Variants in DCUN1D4 observed in about 807,000 individuals in gnomAD.
DCUN1D4 encodes the protein defective in cullin neddylation 1 domain containing 4.
DCUN1D4 carries 22 observed loss-of-function variants against 47.9 expected under a neutral mutation model. That is an observed-to-expected ratio of 0.46 (90% CI 0.33 to 0.66). DCUN1D4 has a LOEUF of 0.66. Among genes scored for constraint, DCUN1D4 ranks in the 30% least tolerant of loss-of-function variants. The pLI is 0.02. For missense variants in DCUN1D4, 301 were observed against 340.8 expected, an observed-to-expected ratio of 0.88 and a Z score of 0.92; for synonymous variants, 121 against 112.2, an observed-to-expected ratio of 1.08 and a Z score of -0.50.
At position 51,876,944 on chromosome 4, in the gene DCUN1D4, T is replaced by C. The variant is rs180917664; in HGVS notation, c.252-819T>C. On this transcript the variant is annotated intron_variant, in intron 4 of 10. Transcript: ENST00000334635. ...GATATAAAAATGTATATACTTATAA[T>C]TTTTATATCCATATCATCATTTTAA... 4.3e-4 allele frequency among the ~76,000 whole-genome samples: 66 copies of C among 152,322 alleles called. 1 individual carries two copies. The highest frequency in any genetic ancestry group is 3.0e-3 in the Admixed American group (46 of 15,302).
intron 5 of DCUN1D4, among the ~76,000 whole-genome samples, chr4:51,883,650 C>T (rs28385472): frequency 0.02 from 3,103 of 152,248 alleles, 111 homozygotes; most frequent in African/African-American, 0.071. Context: ...CAGAAATGAT[C>T]ATTGCAGATG....
intron 1 of DCUN1D4, among the ~76,000 whole-genome samples, chr4:51,853,649 C>T (rs1487354295): frequency 6.6e-6 from 1 of 152,218 alleles, no homozygotes; most frequent in African/African-American, 2.4e-5. Context: ...TTGAGAAACA[C>T]GTGGTGCCCC....
chr4:51,865,669 G>A (rs1400760111), intron 3 of DCUN1D4: 1 of 152,212 alleles, frequency 6.6e-6, no homozygotes, highest in Non-Finnish European at 1.5e-5. Context: ...ACGTGTTATA[G>A]TGTGTTTTTC....
At chr4:51,874,624 C>T (rs990333431) in intron 4 of DCUN1D4, 11 of 361,492 alleles carry the variant, frequency 3.0e-5, no homozygotes, top group Admixed American at 4.5e-5. Flanking sequence ...ATCCATTGAT[C>T]GCCCAAAACT....
chr4:51,852,167 C>T (rs922140749), intron 1 of DCUN1D4, among the ~76,000 whole-genome samples: 1 of 152,112 alleles, frequency 6.6e-6, no homozygotes, highest in African/African-American at 2.4e-5. Context: ...TCTTCATCCC[C>T]TCTCATTTTT....
chr4:51,887,250 C>A, intron 6 of DCUN1D4: 1 of 351,474 alleles, frequency 2.8e-6, no homozygotes, highest in Admixed American at 4.1e-5. Flanking sequence ...TACAGGTGTG[C>A]GCCACCATGC....
At chr4:51,851,918 A>G (rs1275116798) in intron 1 of DCUN1D4, among the ~76,000 whole-genome samples, 1 of 152,206 alleles carries the variant, frequency 6.6e-6, no homozygotes, top group Non-Finnish European at 1.5e-5. Flanking sequence ...TTCTGACTCC[A>G]TGGTCTTGGT....
chr4:51,863,342 TTTAA>T (rs1391196042), intron 1 of DCUN1D4, 91 bp from the exon 2 acceptor site: 9 of 1,016,748 alleles, frequency 8.9e-6, no homozygotes, highest in South Asian at 2.8e-5. Context: ...TGAGATAGTA[TTTAA>T]TTATATCAAA....
At chr4:51,847,224 T>G (rs1013198492) in intron 1 of DCUN1D4, among the ~76,000 whole-genome samples, 1 of 152,200 alleles carries the variant, frequency 6.6e-6, no homozygotes, top group Non-Finnish European at 1.5e-5. Context: ...ACCTTTACGT[T>G]GATTTATTTT....
chr4:51,881,169 T>C (rs950234626), intron 5 of DCUN1D4, among the ~76,000 whole-genome samples: 2 of 152,114 alleles, frequency 1.3e-5, no homozygotes, highest in African/African-American at 4.8e-5. Flanking sequence ...ATAATTTATC[T>C]AATAACTTCC....
intron 3 of DCUN1D4, 72 bp downstream of exon 3, chr4:51,863,781 G>T: frequency 1.4e-6 from 2 of 1,454,634 alleles, no homozygotes; most frequent in Admixed American, 1.8e-5. Context: ...TACTAGCTAT[G>T]AATGCGCTAT....
chr4:51,851,191 G>A (rs1029549433), intron 1 of DCUN1D4, among the ~76,000 whole-genome samples: 1 of 152,176 alleles, frequency 6.6e-6, no homozygotes, highest in Non-Finnish European at 1.5e-5. Context: ...GCCAGGTGCT[G>A]CTGTCACAGG....
At chr4:51,888,427 G>T (rs1376599850) in intron 6 of DCUN1D4, among the ~76,000 whole-genome samples, 2 of 151,988 alleles carry the variant, frequency 1.3e-5, no homozygotes, top group African/African-American at 4.8e-5. Flanking sequence ...ATTCTTTTTT[G>T]GCAGTTATGA....
intron 8 of DCUN1D4, chr4:51,909,524 A>C (rs1733387713): frequency 6.5e-6 from 1 of 153,506 alleles, no homozygotes; most frequent in Admixed American, 6.5e-5. Context: ...ACAACAAACC[A>C]ATGCAGTTTG....
chr4:51,909,526 T>C (rs1056482832), intron 8 of DCUN1D4: 4 of 153,614 alleles, frequency 2.6e-5, no homozygotes, highest in African/African-American at 9.6e-5. Context: ...AACAAACCAA[T>C]GCAGTTTGTC....
intron 6 of DCUN1D4, among the ~76,000 whole-genome samples, chr4:51,891,152 C>T (rs1730364642): frequency 2.6e-5 from 4 of 152,226 alleles, no homozygotes; most frequent in Non-Finnish European, 5.9e-5. Flanking sequence ...CTCCCCCTGT[C>T]CACCTTGTTA....
intron 6 of DCUN1D4, among the ~76,000 whole-genome samples, chr4:51,890,854 A>G (rs920429439): frequency 2.6e-5 from 4 of 152,224 alleles, no homozygotes; most frequent in Admixed American, 2.6e-4. Flanking sequence ...TCCCTGTGCT[A>G]TCTTTTCTCT....
At chr4:51,894,024 G>A (rs751030486) in intron 7 of DCUN1D4, among the ~76,000 whole-genome samples, 1 of 152,152 alleles carries the variant, frequency 6.6e-6, no homozygotes, top group Non-Finnish European at 1.5e-5. Flanking sequence ...TCTGCGTTCT[G>A]AGTCCAGGGT....
rs1318031620 is a variant in DCUN1D4, at chr4:51,865,040, A to G, written c.136+1331A>G. The G allele has an allele frequency of 2.7e-5, 6 of 221,376 alleles. No homozygotes were observed. The South Asian group carries it at 5.4e-4, about 20-fold the overall frequency. The allele number at this position is 221,376 out of a possible 1,614,324, so 13.7% of individuals were successfully genotyped here. A position where few individuals can be genotyped will look rare whatever the true frequency, so the allele number is the denominator to read the frequency against. Reference sequence around the variant, plus strand: ...GTATGATTTCTCATTTTCTATTCTTAGCATAAGTTTTAATTCTTTCCAGTG... The same window carrying G: ...GTATGATTTCTCATTTTCTATTCTTGGCATAAGTTTTAATTCTTTCCAGTG... On this transcript the variant is annotated intron_variant, in intron 3 of 10. Transcript: ENST00000334635.
Sources: gnomAD v4.1 joint callset for allele counts (sites outside exome capture counted in the v4.1 genomes callset) on GRCh38, gnomAD v4.1.1 for gene constraint, MANE v1.5 for transcripts, NCBI Gene and HGNC (gene_info 2026-07-23, HGNC 2026-07-21) for gene names.